PARD3B: variants seen among roughly 807,000 people sequenced by gnomAD.
The protein encoded by PARD3B is par-3 family cell polarity regulator beta, also known as partitioning defective 3 homolog B.
PARD3B carries 103 observed loss-of-function variants against 130.2 expected under a neutral mutation model. That is an observed-to-expected ratio of 0.79 (90% confidence interval 0.67 to 0.93). The LOEUF (loss-of-function observed/expected upper bound fraction) is 0.93, where lower values mean the gene tolerates loss of function less well. PARD3B is among the 40% of genes least tolerant of loss of function. The pLI is 0.00. For missense variants in PARD3B, 1,609 were observed against 1,499.2 expected, an observed-to-expected ratio of 1.07 and a Z score of -1.21; for synonymous variants, 583 against 553.2, an observed-to-expected ratio of 1.05 and a Z score of -0.76.
intron 1 of PARD3B, among the ~76,000 whole-genome samples, chr2:204,618,343 T>C (rs1445642115): frequency 6.6e-6 from 1 of 152,200 alleles, no homozygotes; most frequent in African/African-American, 2.4e-5. Flanking sequence ...ATCTGCCATG[T>C]ACCACTGGAG....
chr2:204,580,783 G>A (rs920117449), intron 1 of PARD3B, among the ~76,000 whole-genome samples: 1 of 152,288 alleles, frequency 6.6e-6, no homozygotes, highest in Middle Eastern at 3.4e-3. Context: ...GAGAGACTGT[G>A]ATCTTGTCAA....
intron 18 of PARD3B, among the ~76,000 whole-genome samples, chr2:205,383,083 C>CATAGATAG (rs59376156): frequency 0.02 from 1,607 of 78,560 alleles, 22 homozygotes; most frequent in Non-Finnish European, 0.023. Context: ...GGAAAGTTTA[C>CATAGATAG]ATAGATAGAT....
At chr2:204,818,883 T>C (rs987256466) in intron 2 of PARD3B, among the ~76,000 whole-genome samples, 1 of 152,216 alleles carries the variant, frequency 6.6e-6, no homozygotes, top group African/African-American at 2.4e-5. Context: ...CAAACACTTT[T>C]TTCAGATGTT....
At chr2:205,299,402 G>GT (rs1445558818) in intron 16 of PARD3B, among the ~76,000 whole-genome samples, 1 of 152,012 alleles carries the variant, frequency 6.6e-6, no homozygotes, top group Non-Finnish European at 1.5e-5. Context: ...TGACACAGTC[G>GT]TTTTTTCCCA....
rs551850746 is a variant in PARD3B, at chr2:205,011,665, G to T, written c.395-35916G>T. On this transcript the variant is annotated intron_variant, in intron 3 of 22. Transcript: ENST00000406610. This position sits in a 1 kb window ranked among gnomAD's most constrained non-coding sequence, Gnocchi z 4.1. Reference sequence around the variant, plus strand: ...GGACTTCTTTTCTCAATTATTTTCCGCAGAGAAAGACTCCTCTCCATGTGC... The same window carrying T: ...GGACTTCTTTTCTCAATTATTTTCCTCAGAGAAAGACTCCTCTCCATGTGC... Among the ~76,000 whole-genome samples, 1 of 152,184 alleles carries T rather than the reference G, an allele frequency of 6.6e-6. No homozygotes were observed. Among genetic ancestry groups the T allele is most frequent in the South Asian group, 2.1e-4 (1 of 4,814 alleles).
At position 204,659,146 on chromosome 2, in the gene PARD3B, T is replaced by C. The variant is rs75854672; in HGVS notation, c.121-27035T>C. ...GATGTGTTACTGCTGTACTGAATGT[T>C]ATCAGATACTCTTGACCTAAAGAGT... is the stretch of plus-strand genomic sequence containing the variant. On this transcript the variant is annotated intron_variant, in intron 1 of 22. Coordinates refer to ENST00000406610, the MANE Select transcript of PARD3B (RefSeq NM_001302769.2). Among the ~76,000 whole-genome samples, 22 of 152,288 alleles carry C rather than the reference T, an allele frequency of 1.4e-4. No homozygotes were observed. In the East Asian group the frequency reaches 4.2e-3, roughly 29 times the overall value.
At chr2:205,016,429 C>A (rs1001869646) in intron 3 of PARD3B, among the ~76,000 whole-genome samples, 2 of 152,160 alleles carry the variant, frequency 1.3e-5, no homozygotes, top group Non-Finnish European at 2.9e-5. Context: ...CTCTCATTCC[C>A]TTCATGAGGA....
At chr2:205,429,129 A>G (rs976931350) in intron 19 of PARD3B, among the ~76,000 whole-genome samples, 4 of 152,354 alleles carry the variant, frequency 2.6e-5, no homozygotes, top group Admixed American at 6.5e-5. Flanking sequence ...GCAATTGAAT[A>G]AAAATCCTAA....
chr2:204,690,070 C>T (rs896943344), intron 2 of PARD3B, among the ~76,000 whole-genome samples: 1 of 152,086 alleles, frequency 6.6e-6, no homozygotes, highest in Non-Finnish European at 1.5e-5. Context: ...TTGCCTATAG[C>T]CTGCATCTAG....
intron 2 of PARD3B, among the ~76,000 whole-genome samples, chr2:204,703,373 T>C (rs941203042): frequency 1.3e-5 from 2 of 152,206 alleles, no homozygotes; most frequent in Non-Finnish European, 2.9e-5. Context: ...TAAAGATAAA[T>C]AAGATGCTTC....
chr2:204,961,257 A>G (rs1690720050), intron 2 of PARD3B, among the ~76,000 whole-genome samples: 2 of 152,262 alleles, frequency 1.3e-5, no homozygotes, highest in East Asian at 1.9e-4. Flanking sequence ...GGCAGTGGGT[A>G]GAAACAAGGG....
chr2:204,628,210 G>A (rs1251407670), intron 1 of PARD3B, among the ~76,000 whole-genome samples: 2 of 151,234 alleles, frequency 1.3e-5, no homozygotes, highest in Admixed American at 6.6e-5. Context: ...TCCCTATCCC[G>A]CTTTGCTTTT....
intron 6 of PARD3B, among the ~76,000 whole-genome samples, chr2:205,114,223 C>G (rs1703861906): frequency 6.6e-6 from 1 of 152,078 alleles, no homozygotes; most frequent in South Asian, 2.1e-4. Context: ...TTACATCTAT[C>G]TAACTGGATT....
At chr2:204,893,401 A>G (rs756489314) in intron 2 of PARD3B, among the ~76,000 whole-genome samples, 1 of 152,202 alleles carries the variant, frequency 6.6e-6, no homozygotes, top group Non-Finnish European at 1.5e-5. Context: ...ATATAGAGTC[A>G]GATGAGGGAT....
chr2:204,836,943 A>G (rs2044057544), intron 2 of PARD3B, among the ~76,000 whole-genome samples: 1 of 152,220 alleles, frequency 6.6e-6, no homozygotes, highest in Non-Finnish European at 1.5e-5. Flanking sequence ...ATATAGAACT[A>G]AAAACACTTA....
At chr2:204,567,874 A>G (rs1035823074) in intron 1 of PARD3B, among the ~76,000 whole-genome samples, 3 of 152,158 alleles carry the variant, frequency 2.0e-5, no homozygotes, top group South Asian at 2.1e-4. Context: ...GCCAACATTT[A>G]TTTCTGTTTT....
chr2:205,248,051 C>T (rs779610142), intron 16 of PARD3B, among the ~76,000 whole-genome samples: 3 of 152,154 alleles, frequency 2.0e-5, no homozygotes, highest in Non-Finnish European at 4.4e-5. Flanking sequence ...ACCTCAGCCT[C>T]CCGGATAGCT....
chr2:204,726,494 T>G (rs1281193351), intron 2 of PARD3B, among the ~76,000 whole-genome samples: 1 of 152,164 alleles, frequency 6.6e-6, no homozygotes, highest in Non-Finnish European at 1.5e-5. Context: ...CCTCCCTCAA[T>G]GTTGGCGTCA....
chr2:204,761,241 G>A (rs1214522088), intron 2 of PARD3B, among the ~76,000 whole-genome samples: 1 of 152,128 alleles, frequency 6.6e-6, no homozygotes, highest in Non-Finnish European at 1.5e-5. Context: ...ATTTATTTTA[G>A]TGTTTCATCA....
Sources: allele counts gnomAD v4.1 joint callset (sites outside exome capture counted in the v4.1 genomes callset), GRCh38; gene constraint gnomAD v4.1.1; non-coding constraint Gnocchi (gnomAD v3.1); transcripts MANE v1.5; gene names NCBI Gene and HGNC (gene_info 2026-07-23, HGNC 2026-07-21).